CCNB1: variants seen among roughly 807,000 people sequenced by gnomAD.
CCNB1 encodes the protein G2/mitotic-specific cyclin-B1.
Under a neutral mutation model 44.4 loss-of-function variants are expected in CCNB1, and 26 were observed. The observed-to-expected ratio is 0.59, with a 90% CI of 0.43 to 0.81. The LOEUF is 0.81. CCNB1 is among the 40% of genes least tolerant of loss of function. The probability of loss-of-function intolerance (pLI) is 0.00; values close to 1 mark genes in which losing one functional copy is unlikely to be tolerated. For missense variants in CCNB1, 477 were observed against 520.9 expected (o/e 0.92, Z 0.82); for synonymous variants, 195 against 181.4 (o/e 1.08, Z -0.60).
intron 4 of CCNB1, among the ~76,000 whole-genome samples, chr5:69,172,662 C>A (rs1025449559): frequency 1.3e-5 from 2 of 151,870 alleles, no homozygotes; most frequent in South Asian, 2.1e-4. Flanking sequence ...TGCAAGACTT[C>A]TTTGCCAGGA....
intron 6 of CCNB1, 86 bp downstream of exon 6, chr5:69,175,199 G>A: frequency 1.8e-6 from 2 of 1,086,986 alleles, no homozygotes; most frequent in Middle Eastern, 4.3e-4. Flanking sequence ...CAACTGACCT[G>A]TATTATACCT....
chr5:69,174,715 AAAAG>A (rs774171692), intron 5 of CCNB1, among the ~76,000 whole-genome samples, 158 bp from the exon 6 acceptor site: 37 of 152,138 alleles, frequency 2.4e-4, no homozygotes, highest in South Asian at 1.9e-3. Context: ...ACTCAAAAAA[AAAAG>A]AAAGAAATAA....
intron 2 of CCNB1, 45 bp downstream of exon 2, chr5:69,168,123 AC>A (rs1747378699): frequency 1.2e-6 from 2 of 1,611,204 alleles, no homozygotes. Flanking sequence ...CCGCCTTCCA[AC>A]TGTGGCCTTT....
intron 4 of CCNB1, among the ~76,000 whole-genome samples, chr5:69,171,731 T>C (rs1264915910): frequency 6.6e-6 from 1 of 152,184 alleles, no homozygotes; most frequent in Non-Finnish European, 1.5e-5. Flanking sequence ...ATATATGCGA[T>C]CTCCACCACG....
chr5:69,177,187 T>A (rs1747614363), intron 7 of CCNB1, 52 bp from the exon 8 acceptor site: 2 of 1,024,630 alleles, frequency 2.0e-6, no homozygotes, highest in Non-Finnish European at 1.5e-6. Flanking sequence ...CTAGAAACTT[T>A]ATGAAAATCA....
At chr5:69,167,373 AG>A (rs1747357810) in intron 1 of CCNB1, 90 bp downstream of exon 1, 2 of 1,478,410 alleles carry the variant, frequency 1.4e-6, no homozygotes, top group Non-Finnish European at 9.3e-7. Context: ...CGAGCGGGAG[AG>A]GGCCGCAGGA....
At chr5:69,167,845 A>G in intron 1 of CCNB1, 63 bp from the exon 2 acceptor site, 1 of 1,458,020 alleles carries the variant, frequency 6.9e-7, no homozygotes, top group Admixed American at 2.2e-5. Context: ...CCCCACCTTA[A>G]TTAACCCTTG....
At position 69,171,380 on chromosome 5, in the gene CCNB1, A is replaced by G; in HGVS notation, c.474A>G (p.Ala158=). The G allele has an allele frequency of 6.2e-7, 1 of 1,614,008 alleles. No homozygotes were observed. Among genetic ancestry groups the G allele is most frequent in the Non-Finnish European group, 8.5e-7 (1 of 1,179,870 alleles). ...TTCTTGCAGTAAATGATGTGGATGC[A>G]GAAGATGGAGCTGATCCAAACCTTT... ...DVILAVNDVD[A]EDGADPNLCS... is the part of the protein sequence containing the mutation. Residue 158 remains alanine, a synonymous_variant, in exon 4 of 9, where the codon GCA becomes GCG. Coordinates refer to ENST00000256442, the MANE Select transcript of CCNB1 (RefSeq NM_031966.4).
At chr5:69,176,428 C>T (rs1378424086) in intron 7 of CCNB1, among the ~76,000 whole-genome samples, 4 of 151,776 alleles carry the variant, frequency 2.6e-5, no homozygotes, top group Non-Finnish European at 5.9e-5. Context: ...GTGATCTCGG[C>T]TCACTGCAAC....
rs1747353072 is a variant in CCNB1, at chr5:69,167,242, C to T, written c.-21C>T. On this transcript the variant is annotated 5_prime_UTR_variant, in exon 1 of 9. Transcript: ENST00000256442. ...TGTTCTGCTTCTCCCCGCTGAGCTG[C>T]TGCCTGGTGAAGAGGAAGCCATGGC... is the stretch of plus-strand genomic sequence containing the variant. 2 of 1,563,678 alleles carry T rather than the reference C, an allele frequency of 1.3e-6. No homozygotes were observed. The highest frequency in any genetic ancestry group is 1.7e-6 in the Non-Finnish European group (2 of 1,154,552).
At chr5:69,168,988 G>A (rs1272388003) in intron 3 of CCNB1, among the ~76,000 whole-genome samples, 1 of 152,176 alleles carries the variant, frequency 6.6e-6, no homozygotes, top group East Asian at 1.9e-4. Flanking sequence ...GTCATGTAGA[G>A]GAGGCTGCTT....
chr5:69,176,225 C>A (rs549762804), intron 7 of CCNB1, among the ~76,000 whole-genome samples: 14 of 151,408 alleles, frequency 9.2e-5, no homozygotes, highest in African/African-American at 3.1e-4. Context: ...CAACTTTATT[C>A]CCTTTGAGAA....
rs923165097 is a variant in CCNB1, at chr5:69,177,784, G to A, written c.*153G>A. The A allele has an allele frequency of 1.1e-5, 6 of 561,804 alleles. No individual in the cohort carries two copies. Among genetic ancestry groups the A allele is most frequent in the Non-Finnish European group, 1.9e-5 (6 of 314,430 alleles). The allele number at this position is 561,804 out of a possible 1,614,324, so 34.8% of individuals were successfully genotyped here. A position where few individuals can be genotyped will look rare whatever the true frequency, so the allele number is the denominator to read the frequency against. ...AATTTGAATGTGGTTACTTCCTACT[G>A]TAGGGTAGCGGAAAAGTTGTCTTAA... On this transcript the variant is annotated 3_prime_UTR_variant, in exon 9 of 9. Coordinates refer to ENST00000256442, the MANE Select transcript of CCNB1 (RefSeq NM_031966.4).
Position 69,177,617 on chromosome 5 carries a change from G to T in CCNB1, c.1288G>T (p.Val430Leu). The T allele has an allele frequency of 6.2e-7, 1 of 1,608,110 alleles. No homozygotes were observed. Among genetic ancestry groups the T allele is most frequent in the Non-Finnish European group, 8.5e-7 (1 of 1,174,868 alleles). Reference sequence around the variant, plus strand: ...ACTAGTTCAAGATTTAGCCAAGGCTGTGGCAAAGGTGTAACTTGTAAACTT... The same window carrying T: ...ACTAGTTCAAGATTTAGCCAAGGCTTTGGCAAAGGTGTAACTTGTAAACTT... ...SALVQDLAKAVAKV is the reference protein window; with the variant it reads ...SALVQDLAKALAKV Residue 430 changes from valine to leucine, a missense_variant, in exon 9 of 9, where the codon GTG becomes TTG. Coordinates refer to ENST00000256442, the MANE Select transcript of CCNB1 (RefSeq NM_031966.4).
chr5:69,174,607 G>A (rs1020617498), intron 5 of CCNB1, among the ~76,000 whole-genome samples, 198 bp downstream of exon 5: 4 of 152,120 alleles, frequency 2.6e-5, no homozygotes, highest in Middle Eastern at 3.4e-3. Flanking sequence ...AAATTAGCCG[G>A]GCATGGTGGC....
intron 7 of CCNB1, among the ~76,000 whole-genome samples, chr5:69,176,540 A>T (rs867097152): frequency 0.023 from 3,282 of 145,710 alleles, 108 homozygotes; most frequent in African/African-American, 0.072. Flanking sequence ...ATATATATAT[A>T]TATTTTTTTT....
chr5:69,177,789 G>A lies in CCNB1; in HGVS notation c.*158G>A. On this transcript the variant is annotated 3_prime_UTR_variant, in exon 9 of 9. Coordinates refer to ENST00000256442, the MANE Select transcript of CCNB1 (RefSeq NM_031966.4). ...GAATGTGGTTACTTCCTACTGTAGG[G>A]TAGCGGAAAAGTTGTCTTAAAAGGT... is the stretch of plus-strand genomic sequence containing the variant. 2 of 553,642 alleles carry A rather than the reference G, an allele frequency of 3.6e-6. No homozygotes were observed. Among genetic ancestry groups the A allele is most frequent in the Non-Finnish European group, 6.5e-6 (2 of 309,982 alleles). 34.3% of individuals were successfully genotyped at this position (553,642 alleles called of 1,614,324 possible).
At chr5:69,173,327 A>G (rs186947600) in intron 4 of CCNB1, among the ~76,000 whole-genome samples, 5 of 152,292 alleles carry the variant, frequency 3.3e-5, no homozygotes, top group Admixed American at 3.3e-4. Flanking sequence ...TGGGCAAAGT[A>G]TACATGCTCT....
At chr5:69,167,415 C>A in intron 1 of CCNB1, 132 bp downstream of exon 1, 1 of 997,222 alleles carries the variant, frequency 1.0e-6, no homozygotes, top group Non-Finnish European at 1.5e-6. Flanking sequence ...GGAGGGGACT[C>A]ACCAAGAGAG....
Sources: allele counts gnomAD v4.1 joint callset (sites outside exome capture counted in the v4.1 genomes callset), GRCh38; gene constraint gnomAD v4.1.1; transcripts MANE v1.5; gene names NCBI Gene and HGNC (gene_info 2026-07-23, HGNC 2026-07-21).